The following GSK3B variants were observed in gnomAD, a reference collection of about 807,000 sequenced individuals.
GSK3B encodes the protein glycogen synthase kinase 3 beta.
A neutral mutation model predicts 56.4 loss-of-function variants in GSK3B; 15 were observed. The observed-to-expected ratio is 0.27, with a 90% CI of 0.18 to 0.41. The LOEUF is 0.41. Ranked by LOEUF, GSK3B falls within the 10% of genes least tolerant of loss-of-function variation. The probability of loss-of-function intolerance (pLI) is 1.00; values close to 1 mark genes in which losing one functional copy is unlikely to be tolerated. For missense variants in GSK3B, 300 were observed against 513.4 expected (o/e 0.58, Z 4.02); for synonymous variants, 181 against 188.9 (o/e 0.96, Z 0.34).
chr3:120,049,603 A>G (rs1426887259), intron 1 of GSK3B, among the ~76,000 whole-genome samples: 4 of 152,222 alleles, frequency 2.6e-5, no homozygotes, highest in African/African-American at 9.6e-5. Flanking sequence ...AAGGTAGCCA[A>G]AGATCTTACA....
Position 119,913,962 on chromosome 3 carries a change from A to T in GSK3B, c.609-1152T>A, listed in dbSNP as rs887064566. ...AGGAGACTGTTATATCTTCTAAAGGATGCTTTTTAATTAACAAGATAGATG... is the reference window on the plus strand; with the variant it reads ...AGGAGACTGTTATATCTTCTAAAGGTTGCTTTTTAATTAACAAGATAGATG... On this transcript the variant is annotated intron_variant, in intron 5 of 10. Transcript: ENST00000264235. 3.9e-5 allele frequency among the ~76,000 whole-genome samples: 6 copies of T among 152,216 alleles called. 1 individual carries two copies. In the East Asian group the frequency reaches 9.6e-4, roughly 24 times the overall value.
chr3:119,873,999 C>G (rs2056278488), intron 8 of GSK3B, among the ~76,000 whole-genome samples: 1 of 152,120 alleles, frequency 6.6e-6, no homozygotes. Context: ...ATAGACGATT[C>G]AAGTTTGAAA....
At chr3:119,936,897 A>G (rs191200184) in intron 3 of GSK3B, among the ~76,000 whole-genome samples, 1 of 152,126 alleles carries the variant, frequency 6.6e-6, no homozygotes, top group African/African-American at 2.4e-5. Flanking sequence ...GACCCAACAT[A>G]CATATACAGA....
intron 9 of GSK3B, 42 bp from the exon 10 acceptor site, chr3:119,843,395 C>T (rs767800110): frequency 3.7e-6 from 4 of 1,076,978 alleles, no homozygotes; most frequent in Admixed American, 3.5e-5. Context: ...CCACTCTTAA[C>T]TTTGTATGCA....
intron 1 of GSK3B, among the ~76,000 whole-genome samples, chr3:120,014,641 A>C (rs1363810711): frequency 1.3e-5 from 2 of 152,202 alleles, no homozygotes; most frequent in African/African-American, 4.8e-5. Flanking sequence ...CATGTGATAA[A>C]AATCTTTCTA....
rs111507307 is a variant in GSK3B at position 119,862,541 on chromosome 3, A to G, written c.1096+878T>C. On this transcript the variant is annotated intron_variant, in intron 9 of 10. Coordinates refer to ENST00000264235, the MANE Select transcript of GSK3B (RefSeq NM_001146156.2). Reference sequence around the variant, plus strand: ...GAGTATAATAAAAAAAAAAAAAAAAAAAGAAAGATATGATACATATGAATA... The same window carrying G: ...GAGTATAATAAAAAAAAAAAAAAAAGAAGAAAGATATGATACATATGAATA... Among the ~76,000 whole-genome samples the G allele has an allele frequency of 1.0e-3, 151 of 149,274 alleles. 1 individual carries two copies. The highest frequency in any genetic ancestry group is 3.6e-3 in the African/African-American group (147 of 40,886).
At chr3:119,847,149 GA>G (rs2055866561) in intron 9 of GSK3B, among the ~76,000 whole-genome samples, 1 of 152,014 alleles carries the variant, frequency 6.6e-6, no homozygotes, top group Non-Finnish European at 1.5e-5. Context: ...GGGTAGGGGG[GA>G]AGGGGGAGGG....
chr3:120,021,103 G>C (rs2107509476), intron 1 of GSK3B, among the ~76,000 whole-genome samples: 1 of 152,246 alleles, frequency 6.6e-6, no homozygotes. Context: ...AAAAGTACAA[G>C]GTAAAGCAGT....
At chr3:119,936,353 T>TG (rs2056994657) in intron 3 of GSK3B, among the ~76,000 whole-genome samples, 3 of 108,748 alleles carry the variant, frequency 2.8e-5, no homozygotes, top group African/African-American at 1.3e-4. Flanking sequence ...TATATATATA[T>TG]ATTTTTTTTT....
intron 7 of GSK3B, among the ~76,000 whole-genome samples, chr3:119,896,144 A>G (rs1310512484): frequency 6.6e-6 from 1 of 151,690 alleles, no homozygotes; most frequent in African/African-American, 2.4e-5. Flanking sequence ...AAAAAAAAAA[A>G]AGTGGCTCCT....
At chr3:119,884,465 C>T (rs993729034) in intron 7 of GSK3B, among the ~76,000 whole-genome samples, 1 of 152,108 alleles carries the variant, frequency 6.6e-6, no homozygotes, top group African/African-American at 2.4e-5. Flanking sequence ...CTAGACACAT[C>T]AATTTTCTTT....
At chr3:119,963,914 C>T (rs4688047) in intron 2 of GSK3B, among the ~76,000 whole-genome samples, 36,725 of 151,870 alleles carry the variant, frequency 0.24, 4,884 homozygotes, top group East Asian at 0.48. Context: ...ACGTAGAACC[C>T]TTTGAAGAAA....
At position 120,002,189 on chromosome 3, in the gene GSK3B, C is replaced by T. The variant is rs2057683902; in HGVS notation, c.139G>A (p.Gly47Ser). 6.2e-7 allele frequency: 1 copy of T among 1,602,678 alleles called. No individual in the cohort carries two copies. The highest frequency in any genetic ancestry group is 8.5e-7 in the Non-Finnish European group (1 of 1,175,576). ...CTGACTTCTTGTGGCCTGTCTGGAC[C>T]CTGCCCAGGAGTTGCCACCACTGTT... The part of the protein sequence containing the change: ...VTTVVATPGQ[G>S]PDRPQEVSYT... The change falls in exon 2 of 11, where the codon GGT (glycine) becomes AGT (serine). Residue 47 changes from glycine (G) to serine (S), a missense_variant. Physicochemically the swap from Gly to Ser is moderately conservative, Grantham distance 56 (BLOSUM62 0). This residue lies in a region of GSK3B where 53 missense variants were observed against 64.6 expected (regional missense o/e 0.82). Coordinates refer to ENST00000264235, the MANE Select transcript of GSK3B (RefSeq NM_001146156.2).
At chr3:119,916,015 A>C (rs13097471) in intron 5 of GSK3B, 29 bp downstream of exon 5, 4 of 1,554,726 alleles carry the variant, frequency 2.6e-6, no homozygotes, top group Non-Finnish European at 3.5e-6. Flanking sequence ...GGGAAAAGGG[A>C]AGGGGCAGGG....
At chr3:120,002,630 G>A (rs899887905) in intron 1 of GSK3B, among the ~76,000 whole-genome samples, 9 of 152,082 alleles carry the variant, frequency 5.9e-5, no homozygotes, top group African/African-American at 1.4e-4. Context: ...CAGCCACCAC[G>A]CCTGGTCAAA....
intron 1 of GSK3B, among the ~76,000 whole-genome samples, chr3:120,091,484 G>A (rs564291698): frequency 2.0e-5 from 3 of 152,146 alleles, no homozygotes; most frequent in African/African-American, 4.8e-5. Context: ...CATTTTCAAA[G>A]AAAATCCTGA....
At chr3:120,067,251 A>G (rs900757069) in intron 1 of GSK3B, among the ~76,000 whole-genome samples, 11 of 151,850 alleles carry the variant, frequency 7.2e-5, no homozygotes, top group South Asian at 2.1e-4. Flanking sequence ...AAAAAAAAAA[A>G]AGAGAGGTAA....
At chr3:120,004,950 T>C (rs141050171) in intron 1 of GSK3B, among the ~76,000 whole-genome samples, 1 of 152,246 alleles carries the variant, frequency 6.6e-6, no homozygotes, top group African/African-American at 2.4e-5. Flanking sequence ...GAAGTAGGCT[T>C]CAGAAGGTCA....
At chr3:120,024,775 T>A (rs2057909302) in intron 1 of GSK3B, among the ~76,000 whole-genome samples, 1 of 152,166 alleles carries the variant, frequency 6.6e-6, no homozygotes, top group Non-Finnish European at 1.5e-5. Flanking sequence ...AAGTGGTATT[T>A]CAGCTGAAAT....
Sources: allele counts gnomAD v4.1 joint callset (sites outside exome capture counted in the v4.1 genomes callset), GRCh38; gene constraint gnomAD v4.1.1; regional missense constraint gnomAD v4.1.1; transcripts MANE v1.5; gene names NCBI Gene and HGNC (gene_info 2026-07-23, HGNC 2026-07-21).